Variants in NUP214 observed in about 807,000 individuals in gnomAD.
NUP214 encodes the protein nucleoporin 214.
Under a neutral mutation model 196.2 loss-of-function variants are expected in NUP214, and 79 were observed. That is an observed-to-expected ratio of 0.40 (90% CI 0.34 to 0.49). NUP214 has a LOEUF of 0.49. Among genes scored for constraint, NUP214 ranks in the 20% least tolerant of loss-of-function variants. The pLI, the probability that NUP214 is intolerant of heterozygous loss-of-function variation, is 0.58. For missense variants in NUP214, 2,468 were observed against 2,539.0 expected, an observed-to-expected ratio of 0.97 and a Z score of 0.60; for synonymous variants, 1,020 against 990.5, an observed-to-expected ratio of 1.03 and a Z score of -0.56.
At chr9:131,133,303 T>TG (rs1218852494) in intron 7 of NUP214, 94 bp downstream of exon 7, 9 of 661,208 alleles carry the variant, frequency 1.4e-5, no homozygotes, top group African/African-American at 1.3e-4. Flanking sequence ...TTTGTGTTTG[T>TG]GTTTTTTTTT....
chr9:131,231,221 C>G (rs1834867933), intron 34 of NUP214, among the ~76,000 whole-genome samples: 1 of 152,106 alleles, frequency 6.6e-6, no homozygotes, highest in Non-Finnish European at 1.5e-5. Flanking sequence ...GAGACGGAGT[C>G]TCGCTCTGTT....
At chr9:131,230,607 GTC>G (rs1834847704) in intron 33 of NUP214, 21 bp from the exon 34 acceptor site, 1 of 1,612,836 alleles carries the variant, frequency 6.2e-7, no homozygotes, top group Non-Finnish European at 8.5e-7. Context: ...ACTGACCTCA[GTC>G]TGTTTCTCAC....
intron 31 of NUP214, among the ~76,000 whole-genome samples, chr9:131,218,329 G>A (rs1053286778): frequency 6.6e-6 from 1 of 152,218 alleles, no homozygotes; most frequent in Non-Finnish European, 1.5e-5. Flanking sequence ...GGAAGGAACA[G>A]TGGAGAAGGA....
intron 32 of NUP214, among the ~76,000 whole-genome samples, chr9:131,223,704 TTTTTA>T (rs1834628226): frequency 8.7e-6 from 1 of 115,450 alleles, no homozygotes; most frequent in Non-Finnish European, 1.8e-5. Flanking sequence ...AATCACTTTT[TTTTTA>T]TTTTTATTTA....
chr9:131,223,041 G>C, intron 32 of NUP214, 111 bp downstream of exon 32: 1 of 966,526 alleles, frequency 1.0e-6, no homozygotes, highest in Admixed American at 3.0e-5. Flanking sequence ...TAGGATTGGA[G>C]TAAAGAAGTT....
intron 21 of NUP214, among the ~76,000 whole-genome samples, chr9:131,173,601 C>G (rs1026525039): frequency 6.7e-6 from 1 of 148,668 alleles, no homozygotes; most frequent in Non-Finnish European, 1.5e-5. Context: ...TGGAAATGTT[C>G]GAGACACTCA....
intron 9 of NUP214, among the ~76,000 whole-genome samples, chr9:131,137,552 C>CTT (rs11338707): frequency 7.2e-3 from 639 of 88,576 alleles, no homozygotes; most frequent in Non-Finnish European, 9.7e-3. Context: ...CTGGTGGTAT[C>CTT]TTTTTTTTTT....
intron 17 of NUP214, among the ~76,000 whole-genome samples, chr9:131,154,104 G>C (rs1832358378): frequency 6.6e-6 from 1 of 152,192 alleles, no homozygotes; most frequent in African/African-American, 2.4e-5. Context: ...TCGGTGAGTT[G>C]AAAGTTACAT....
At chr9:131,173,988 G>A in intron 21 of NUP214, 67 bp from the exon 22 acceptor site, 4 of 1,536,948 alleles carry the variant, frequency 2.6e-6, no homozygotes, top group East Asian at 2.3e-5. Context: ...TATCAACAGT[G>A]AAAATTACTT....
In NUP214 at chr9:131,163,876, C is replaced by T. The variant is rs747961564; in HGVS notation, c.2730C>T (p.Asp910=). The T allele has an allele frequency of 6.8e-6, 11 of 1,613,960 alleles. No homozygotes were observed. Among genetic ancestry groups the T allele is most frequent in the Non-Finnish European group, 9.3e-6 (11 of 1,179,856 alleles). ...TAACACTGTTCTGTTTCAGTTTTGA[C>T]AGTGACCTGGAAAGCCTGTGCAATG... The part of the protein sequence containing the change: ...VPSQSSIHSF[D]SDLESLCNAL... Residue 910 remains aspartate (D), a synonymous_variant, in exon 20 of 36, where the codon GAC becomes GAT. Coordinates refer to ENST00000359428, the MANE Select transcript of NUP214 (RefSeq NM_005085.4).
At position 131,140,428 on chromosome 9, in the gene NUP214, A is replaced by C. The variant is rs1588127333; in HGVS notation, c.1133-121A>C. The C allele has an allele frequency of 3.3e-5, 25 of 765,278 alleles. No individual in the cohort carries two copies. The East Asian group carries it at 6.5e-4, about 20-fold the overall frequency. The allele number at this position is 765,278 out of a possible 1,614,324, so 47.4% of individuals were successfully genotyped here. ...TCAGATATAAAATCAGAACAAACTA[A>C]CTTGAGCTGCTATTCAGATGAGTCC... On this transcript the variant is annotated intron_variant, in intron 10 of 35. Coordinates refer to ENST00000359428, the MANE Select transcript of NUP214 (RefSeq NM_005085.4).
rs112769344 is a variant in NUP214, at chr9:131,178,522, T to C, written c.3419+112T>C. ...ACAGTCTGGTTTTCCTGCACCGCCT[T>C]AGGTTATAAGGGGGGTGGCGGCTAA... is the stretch of plus-strand genomic sequence containing the variant. On this transcript the variant is annotated intron_variant, in intron 24 of 35. Coordinates refer to ENST00000359428, the MANE Select transcript of NUP214 (RefSeq NM_005085.4). 1.6e-4 allele frequency: 121 copies of C among 733,496 alleles called. No individual in the cohort carries two copies. The African/African-American group carries it at 1.9e-3, about 12-fold the overall frequency. 45.4% of individuals were successfully genotyped at this position (733,496 alleles called of 1,614,324 possible).
At chr9:131,167,913 C>G (rs1484106796) in intron 21 of NUP214, among the ~76,000 whole-genome samples, 1 of 152,190 alleles carries the variant, frequency 6.6e-6, no homozygotes, top group Non-Finnish European at 1.5e-5. Context: ...GAAACAGACT[C>G]TTGCTCTGTT....
chr9:131,213,232 A>G (rs996179634), intron 30 of NUP214, among the ~76,000 whole-genome samples: 2 of 151,230 alleles, frequency 1.3e-5, no homozygotes, highest in Non-Finnish European at 2.9e-5. Flanking sequence ...CTGAAGTTCA[A>G]TGGCACTATA....
intron 18 of NUP214, among the ~76,000 whole-genome samples, chr9:131,161,351 G>C (rs1041880708): frequency 6.6e-6 from 1 of 151,720 alleles, no homozygotes; most frequent in African/African-American, 2.4e-5. Flanking sequence ...TCCGCCTCCG[G>C]GGTTCAGGCG....
At chr9:131,159,045 C>A (rs1467853370) in intron 17 of NUP214, 1 of 183,108 alleles carries the variant, frequency 5.5e-6, no homozygotes, top group East Asian at 1.5e-4. Context: ...TTTTGTTTTT[C>A]ATTTTAATTA....
chr9:131,151,924 G>A, intron 17 of NUP214, 30 bp downstream of exon 17: 1 of 1,537,026 alleles, frequency 6.5e-7, no homozygotes, highest in Non-Finnish European at 8.7e-7. Flanking sequence ...CTGTTTAAAA[G>A]ATTTAAAAAC....
At chr9:131,167,495 C>G (rs1832819194) in intron 21 of NUP214, 1 of 152,188 alleles carries the variant, frequency 6.6e-6, no homozygotes, top group Admixed American at 6.5e-5. Context: ...GGTTACATAG[C>G]TAGGAGTGGC....
chr9:131,214,504 A>T (rs1361698632), intron 30 of NUP214, among the ~76,000 whole-genome samples: 4 of 152,192 alleles, frequency 2.6e-5, no homozygotes, highest in Non-Finnish European at 1.5e-5. Context: ...CCACGGAGAG[A>T]TGACACTTAA....
Sources: gnomAD v4.1 joint callset for allele counts (sites outside exome capture counted in the v4.1 genomes callset) on GRCh38, gnomAD v4.1.1 for gene constraint, MANE v1.5 for transcripts, NCBI Gene and HGNC (gene_info 2026-07-23, HGNC 2026-07-21) for gene names.